FMNL2: variants seen among roughly 807,000 people sequenced by gnomAD.
FMNL2 encodes the protein formin-like protein 2.
Under a neutral mutation model 130.2 loss-of-function variants are expected in FMNL2, and 51 were observed. That is an observed-to-expected ratio of 0.39 (90% CI 0.31 to 0.49). The LOEUF is 0.49. Ranked by LOEUF, FMNL2 falls within the 20% of genes least tolerant of loss-of-function variation. The probability of loss-of-function intolerance (pLI) is 0.85; values close to 1 mark genes in which losing one functional copy is unlikely to be tolerated. For missense variants in FMNL2, 977 were observed against 1,316.2 expected (o/e 0.74, Z 3.99); for synonymous variants, 465 against 467.1 (o/e 1.00, Z 0.06).
intron 2 of FMNL2, among the ~76,000 whole-genome samples, chr2:152,541,878 G>C (rs1694328411): frequency 6.6e-6 from 1 of 151,890 alleles, no homozygotes; most frequent in Non-Finnish European, 1.5e-5. Context: ...ATAAGTACTG[G>C]TTCATTTTAT....
chr2:152,573,310 G>T (rs1386502922), intron 6 of FMNL2, among the ~76,000 whole-genome samples: 2 of 152,194 alleles, frequency 1.3e-5, no homozygotes, highest in Admixed American at 1.3e-4. Flanking sequence ...AGAAAATGCT[G>T]CCAGGATGAC....
At chr2:152,477,113 A>G (rs1041632365) in intron 1 of FMNL2, among the ~76,000 whole-genome samples, 2 of 152,234 alleles carry the variant, frequency 1.3e-5, no homozygotes, top group African/African-American at 4.8e-5. Flanking sequence ...AGATAGGGCA[A>G]GTAGCTTGGA....
At chr2:152,638,320 TAGA>T (rs1246185340) in intron 23 of FMNL2, among the ~76,000 whole-genome samples, 2 of 152,170 alleles carry the variant, frequency 1.3e-5, no homozygotes, top group Non-Finnish European at 2.9e-5. Flanking sequence ...AGAAGGCTGT[TAGA>T]AGATTTTAGC....
chr2:152,503,955 C>T (rs1331154996), intron 1 of FMNL2, among the ~76,000 whole-genome samples: 2 of 152,112 alleles, frequency 1.3e-5, no homozygotes, highest in Admixed American at 6.5e-5. Flanking sequence ...TTTGGGAGGC[C>T]GAGGCGGGTG....
chr2:152,510,614 A>T (rs1692447694), intron 1 of FMNL2, among the ~76,000 whole-genome samples: 1 of 152,244 alleles, frequency 6.6e-6, no homozygotes, highest in African/African-American at 2.4e-5. Context: ...TTAAAGTATT[A>T]CTTTAATACC....
At chr2:152,515,060 G>A (rs1692689312) in intron 1 of FMNL2, among the ~76,000 whole-genome samples, 1 of 152,098 alleles carries the variant, frequency 6.6e-6, no homozygotes, top group Non-Finnish European at 1.5e-5. Context: ...TAAATGAGTG[G>A]TAGTCATGAT....
intron 1 of FMNL2, among the ~76,000 whole-genome samples, chr2:152,351,508 A>G (rs182346794): frequency 2.0e-5 from 3 of 152,204 alleles, no homozygotes; most frequent in Admixed American, 2.0e-4. Context: ...AGCTTCATCC[A>G]TGTCCCTGCA....
At chr2:152,485,633 C>T (rs898572504) in intron 1 of FMNL2, among the ~76,000 whole-genome samples, 1 of 152,178 alleles carries the variant, frequency 6.6e-6, no homozygotes, top group African/African-American at 2.4e-5. Flanking sequence ...TCTTTGAAAA[C>T]TGAAAATGTG....
chr2:152,462,074 T>C lies in FMNL2; in HGVS notation c.118-59869T>C, dbSNP rs187651869. 8.9e-4 allele frequency among the ~76,000 whole-genome samples: 135 copies of C among 152,222 alleles called. 1 individual carries two copies. The highest frequency in any genetic ancestry group is 3.1e-3 in the African/African-American group (128 of 41,530). ...TCGTGCCCTGCTAATTTTTAAATTT[T>C]TTGTAGAGATAGGATTTTGCTTAAG... On this transcript the variant is annotated intron_variant, in intron 1 of 25. Coordinates refer to ENST00000288670, the MANE Select transcript of FMNL2 (RefSeq NM_052905.4).
At chr2:152,490,677 GT>G (rs1230705030) in intron 1 of FMNL2, among the ~76,000 whole-genome samples, 2 of 148,230 alleles carry the variant, frequency 1.3e-5, no homozygotes, top group Non-Finnish European at 3.0e-5. Flanking sequence ...GGGACTCATG[GT>G]CAGCCTCACC....
intron 5 of FMNL2, among the ~76,000 whole-genome samples, chr2:152,559,460 T>G (rs1695406674): frequency 6.6e-6 from 1 of 152,100 alleles, no homozygotes; most frequent in Non-Finnish European, 1.5e-5. Context: ...CCCACCACCA[T>G]GCCCGGCTAA....
chr2:152,461,129 G>C (rs191068207), intron 1 of FMNL2, among the ~76,000 whole-genome samples: 1 of 152,124 alleles, frequency 6.6e-6, no homozygotes, highest in African/African-American at 2.4e-5. Flanking sequence ...TGATAATTTG[G>C]AACAGAGCTG....
chr2:152,451,316 T>G (rs563309872), intron 1 of FMNL2, among the ~76,000 whole-genome samples: 2 of 152,172 alleles, frequency 1.3e-5, no homozygotes, highest in African/African-American at 4.8e-5. Flanking sequence ...GCCCGGCTAA[T>G]TTTTTGTATC....
At chr2:152,340,066 G>A (rs899276302) in intron 1 of FMNL2, among the ~76,000 whole-genome samples, 1 of 152,024 alleles carries the variant, frequency 6.6e-6, no homozygotes, top group South Asian at 2.1e-4. Context: ...TGCACCTGTA[G>A]TCCCACCTAC....
In FMNL2 at chr2:152,348,970, G is replaced by A. The variant is rs555841150; in HGVS notation, c.117+13250G>A. Among the ~76,000 whole-genome samples, 32 of 144,702 alleles carry A rather than the reference G, an allele frequency of 2.2e-4. 3 individuals are homozygous for A. The highest frequency in any genetic ancestry group is 1.7e-3 in the Admixed American group (25 of 14,750). 94.9% of individuals were successfully genotyped at this position (144,702 alleles called of 152,430 possible). On this transcript the variant is annotated intron_variant, in intron 1 of 25. Coordinates refer to ENST00000288670, the MANE Select transcript of FMNL2 (RefSeq NM_052905.4). ...CTGCCTCAGCCTCCCCAGTAGCTGG[G>A]ACTACAGGTGCCCGCCACCGCGCCC... is the stretch of plus-strand genomic sequence containing the variant.
At chr2:152,643,386 G>T in intron 25 of FMNL2, 1 of 1,535,322 alleles carries the variant, frequency 6.5e-7, no homozygotes, top group Non-Finnish European at 8.7e-7. Flanking sequence ...ATTCTCTTCT[G>T]TTTGTGTTGT....
At chr2:152,628,678 C>T in intron 18 of FMNL2, 145 bp downstream of exon 18, 2 of 677,928 alleles carry the variant, frequency 3.0e-6, no homozygotes, top group Non-Finnish European at 4.9e-6. Context: ...TTATTTCAAC[C>T]ATCTTTTCCA....
chr2:152,339,194 A>ATT (rs11440524), intron 1 of FMNL2, among the ~76,000 whole-genome samples: 6 of 151,348 alleles, frequency 4.0e-5, no homozygotes, highest in South Asian at 2.1e-4. Flanking sequence ...TTATTTCATG[A>ATT]TTTTTTTTTA....
At chr2:152,515,403 T>G (rs189864657) in intron 1 of FMNL2, among the ~76,000 whole-genome samples, 8 of 152,298 alleles carry the variant, frequency 5.3e-5, no homozygotes, top group Admixed American at 3.9e-4. Flanking sequence ...GCTATCTGTA[T>G]TCAGCCCAGT....
Sources: gnomAD v4.1 joint callset for allele counts (sites outside exome capture counted in the v4.1 genomes callset) on GRCh38, gnomAD v4.1.1 for gene constraint, MANE v1.5 for transcripts, NCBI Gene and HGNC (gene_info 2026-07-23, HGNC 2026-07-21) for gene names.